Variants in PRPF39 observed in about 807,000 individuals in gnomAD.
PRPF39 encodes pre-mRNA-processing factor 39.
Under a neutral mutation model 82.1 loss-of-function variants are expected in PRPF39, and 27 were observed. The observed-to-expected ratio is 0.33, with a 90% CI of 0.24 to 0.45. The LOEUF is 0.45. Among genes scored for constraint, PRPF39 ranks in the 20% least tolerant of loss-of-function variants. The pLI is 1.00. For synonymous variants in PRPF39, 261 were observed against 256.4 expected, an observed-to-expected ratio of 1.02 and a Z score of -0.17; for missense variants, 581 against 796.9, an observed-to-expected ratio of 0.73 and a Z score of 3.26.
In PRPF39 at chr14:45,108,260, T is replaced by C. The variant is rs192056411; in HGVS notation, c.904-155T>C. ...AGTTGTGTGATAAGTTTTAGTGTTG[T>C]TAATTGGATTTTGCACATAATTGCC... is the stretch of plus-strand genomic sequence containing the variant. On this transcript the variant is annotated intron_variant, in intron 6 of 13. Coordinates refer to ENST00000355765, the MANE Select transcript of PRPF39 (RefSeq NM_017922.4). Among the ~76,000 whole-genome samples the C allele has an allele frequency of 7.0e-4, 106 of 152,328 alleles. 1 individual carries two copies. Among genetic ancestry groups the C allele is most frequent in the Middle Eastern group, 3.4e-3 (1 of 292 alleles).
chr14:45,098,895 C>T (rs1884285663), intron 4 of PRPF39, among the ~76,000 whole-genome samples: 1 of 152,108 alleles, frequency 6.6e-6, no homozygotes, highest in Non-Finnish European at 1.5e-5. Flanking sequence ...CCTATAACTT[C>T]TTGTTAAAGG....
At chr14:45,096,000 C>A in intron 2 of PRPF39, 103 bp from the exon 3 acceptor site, 1 of 1,091,038 alleles carries the variant, frequency 9.2e-7, no homozygotes, top group Non-Finnish European at 1.3e-6. Context: ...TTTAAGCCTG[C>A]CATTTATTAT....
At position 45,110,886 on chromosome 14, in the gene PRPF39, C is replaced by A; in HGVS notation, c.1572+69C>A. On this transcript the variant is annotated intron_variant, in intron 10 of 13. Transcript: ENST00000355765. This position sits in a 1 kb window ranked among gnomAD's most constrained non-coding sequence, Gnocchi z 4.0. ...AGTGGTCAGTGTATTTTCACTGTGG[C>A]AACTGTGATGAAAGATTTGGTCTGT... The A allele has an allele frequency of 1.5e-6, 2 of 1,358,108 alleles. No homozygotes were observed. The highest frequency in any genetic ancestry group is 2.0e-6 in the Non-Finnish European group (2 of 1,002,336). 84.1% of individuals were successfully genotyped at this position (1,358,108 alleles called of 1,614,324 possible). A position where few individuals can be genotyped will look rare whatever the true frequency, so the allele number is the denominator to read the frequency against.
At chr14:45,105,129 C>G (rs932351746) in intron 5 of PRPF39, among the ~76,000 whole-genome samples, 1 of 152,138 alleles carries the variant, frequency 6.6e-6, no homozygotes, top group Non-Finnish European at 1.5e-5. Context: ...ATATATTAGG[C>G]AGTCAGCCAG....
At chr14:45,097,398 G>T (rs1252717194) in intron 4 of PRPF39, among the ~76,000 whole-genome samples, 15 of 151,570 alleles carry the variant, frequency 9.9e-5, no homozygotes, top group Non-Finnish European at 2.2e-4. Flanking sequence ...TATCTTATAA[G>T]CCAAAGTACT....
intron 5 of PRPF39, 22 bp from the exon 6 acceptor site, chr14:45,107,429 T>C (rs1275763194): frequency 2.1e-6 from 3 of 1,457,472 alleles, no homozygotes; most frequent in Admixed American, 2.0e-5. Context: ...CAAATACATA[T>C]ATTTTTATTG....
chr14:45,112,900 A>T (rs1027965388), intron 11 of PRPF39, among the ~76,000 whole-genome samples: 1 of 152,224 alleles, frequency 6.6e-6, no homozygotes, highest in Non-Finnish European at 1.5e-5. Context: ...AGATTGGAGA[A>T]GAGGATGGAT....
chr14:45,109,277 CAG>C (rs2139063665), intron 7 of PRPF39, among the ~76,000 whole-genome samples: 1 of 152,322 alleles, frequency 6.6e-6, no homozygotes, highest in South Asian at 2.1e-4. Flanking sequence ...CCTTTCCAGC[CAG>C]AGTTCCCCTC....
At chr14:45,091,448 A>G (rs1202186846) in intron 1 of PRPF39, among the ~76,000 whole-genome samples, 1 of 152,156 alleles carries the variant, frequency 6.6e-6, no homozygotes, top group East Asian at 1.9e-4. Context: ...GCCATGCTAC[A>G]TTTTGAAATG....
intron 4 of PRPF39, among the ~76,000 whole-genome samples, chr14:45,102,076 C>T (rs1026335079): frequency 1.3e-5 from 2 of 151,926 alleles, no homozygotes; most frequent in Non-Finnish European, 2.9e-5. Flanking sequence ...CTAAGTGCTG[C>T]GATTACAGGC....
intron 7 of PRPF39, among the ~76,000 whole-genome samples, chr14:45,108,743 T>C (rs1026063718): frequency 2.6e-5 from 4 of 152,212 alleles, no homozygotes; most frequent in Non-Finnish European, 4.4e-5. Context: ...TTGCAAGATA[T>C]CTGCTTAATC....
In PRPF39 at chr14:45,110,274, AAC is replaced by A; in HGVS notation, c.1303+56_1303+57del. ...TTTGAGATTTTAAGTTATTTCAGGA[AAC>A]AGTGACAAATTGAGTGGTAAGGGAT... On this transcript the variant is annotated intron_variant, in intron 9 of 13. Coordinates refer to ENST00000355765, the MANE Select transcript of PRPF39 (RefSeq NM_017922.4). The surrounding 1 kb of genome is among the most constrained non-coding windows in gnomAD (Gnocchi z 4.0). 1 of 1,598,872 alleles carries A rather than the reference AAC, an allele frequency of 6.3e-7. No homozygotes were observed. The highest frequency in any genetic ancestry group is 1.1e-5 in the South Asian group (1 of 90,102).
chr14:45,104,847 A>G (rs2139056705), intron 5 of PRPF39, among the ~76,000 whole-genome samples: 1 of 152,168 alleles, frequency 6.6e-6, no homozygotes. Flanking sequence ...TATCTTTATG[A>G]CTGTAATACC....
chr14:45,100,049 G>A (rs1196259959), intron 4 of PRPF39, among the ~76,000 whole-genome samples: 1 of 152,128 alleles, frequency 6.6e-6, no homozygotes, highest in Non-Finnish European at 1.5e-5. Context: ...CCAACATGGT[G>A]AAACCCTGTC....
intron 5 of PRPF39, among the ~76,000 whole-genome samples, chr14:45,103,788 C>T (rs1365228610): frequency 6.6e-6 from 1 of 152,040 alleles, no homozygotes; most frequent in Admixed American, 6.6e-5. Context: ...CACATAAGTA[C>T]AAAAGTACTT....
chr14:45,086,924 A>G (rs989560397), intron 1 of PRPF39, among the ~76,000 whole-genome samples: 2 of 149,634 alleles, frequency 1.3e-5, no homozygotes, highest in African/African-American at 2.5e-5. Context: ...AAACAGTTCA[A>G]TTGTGTGTGC....
In PRPF39 at chr14:45,096,091, T is replaced by C. The variant is rs1175135399; in HGVS notation, c.325-12T>C. On this transcript the variant is annotated splice_polypyrimidine_tract_variant and intron_variant, in intron 2 of 13. Transcript: ENST00000355765. ...TTTCCACAATATTTAAATACTGTTTTATTTTTATCAGAATCACTTGATGGC... is the reference window on the plus strand; with the variant it reads ...TTTCCACAATATTTAAATACTGTTTCATTTTTATCAGAATCACTTGATGGC... 9 of 1,549,486 alleles carry C rather than the reference T, an allele frequency of 5.8e-6. No individual in the cohort carries two copies. Among genetic ancestry groups the C allele is most frequent in the Non-Finnish European group, 7.9e-6 (9 of 1,144,884 alleles).
rs866010640 is a variant in PRPF39, at chr14:45,093,227, A to T, written c.-19-1994A>T. On this transcript the variant is annotated intron_variant, in intron 1 of 13. Coordinates refer to ENST00000355765, the MANE Select transcript of PRPF39 (RefSeq NM_017922.4). The stretch of plus-strand genomic sequence containing the variant: ...CTTATTATTCCATTATATATGATTT[A>T]TTTTTTTTTTTTTGAGACGGAATCT... Among the ~76,000 whole-genome samples, 846 of 146,174 alleles carry T rather than the reference A, an allele frequency of 5.8e-3. 9 individuals are homozygous for T. Among genetic ancestry groups the T allele is most frequent in the African/African-American group, 0.02 (780 of 39,910 alleles).
At position 45,095,490 on chromosome 14, in the gene PRPF39, T is replaced by A; in HGVS notation, c.251T>A (p.Phe84Tyr). The change falls in exon 2 of 14, where the codon TTT (phenylalanine) becomes TAT (tyrosine). Residue 84 changes from phenylalanine (F) to tyrosine (Y), a missense_variant. Phe to Tyr is a conservative substitution (Grantham distance 22). Transcript: ENST00000355765. ...AATTTCCCTCCAGAATATGAAAAAT[T>A]TTGGAAAACTGTAGAAAATAATCCT... is the stretch of plus-strand genomic sequence containing the variant. The part of the protein sequence containing the change: ...EANFPPEYEK[F>Y]WKTVENNPQD... The A allele has an allele frequency of 6.2e-7, 1 of 1,613,712 alleles. No individual in the cohort carries two copies. Among genetic ancestry groups the A allele is most frequent in the Non-Finnish European group, 8.5e-7 (1 of 1,179,796 alleles).
Sources: allele counts gnomAD v4.1 joint callset (sites outside exome capture counted in the v4.1 genomes callset), GRCh38; gene constraint gnomAD v4.1.1; non-coding constraint Gnocchi (gnomAD v3.1); transcripts MANE v1.5; gene names NCBI Gene and HGNC (gene_info 2026-07-23, HGNC 2026-07-21).